TRAPPC9: variants seen among roughly 807,000 people sequenced by gnomAD.
TRAPPC9 encodes trafficking protein particle complex subunit 9.
In TRAPPC9, 83 loss-of-function variants were observed where a neutral mutation model predicts 124.0. The observed-to-expected ratio is 0.67, with a 90% confidence interval of 0.56 to 0.80. The LOEUF (loss-of-function observed/expected upper bound fraction) is 0.80. Ranked by LOEUF, TRAPPC9 falls within the 30% of genes least tolerant of loss-of-function variation. TRAPPC9 has a pLI of 0.00. For synonymous variants in TRAPPC9, 638 were observed against 617.5 expected, an observed-to-expected ratio of 1.03 and a Z score of -0.49; for missense variants, 1,302 against 1,508.3, an observed-to-expected ratio of 0.86 and a Z score of 2.27.
intron 17 of TRAPPC9, among the ~76,000 whole-genome samples, chr8:140,116,792 AGGTGGGGCAGCAGCGAC>A (rs2060895088): frequency 6.6e-6 from 1 of 152,152 alleles, no homozygotes; most frequent in Admixed American, 6.5e-5. Flanking sequence ...GGTTCCCTAC[AGGTGGGGCAGCAGCGAC>A]GGTGGGGCTG....
chr8:140,091,901 T>G (rs1198636181), intron 17 of TRAPPC9, among the ~76,000 whole-genome samples: 8 of 152,100 alleles, frequency 5.3e-5, no homozygotes, highest in Admixed American at 3.3e-4. Context: ...CAAGACCTTC[T>G]ACAGTGGCGC....
chr8:140,451,317 C>G lies in TRAPPC9; in HGVS notation c.57G>C (p.Val19=), dbSNP rs1242565104. 6.2e-7 allele frequency: 1 copy of G among 1,607,706 alleles called. No homozygotes were observed. Among genetic ancestry groups the G allele is most frequent in the Non-Finnish European group, 8.5e-7 (1 of 1,180,000 alleles). Residue 19 remains valine (V), a synonymous_variant, in exon 2 of 23, where the codon GTG becomes GTC. Transcript: ENST00000438773. ...CAEDHQTLLV[V]VQPVGIVSEE... ...CGGAGACGATGCCCACAGGCTGGAC[C>G]ACCACGAGCAGCGTCTGGTGGTCCT...
At chr8:140,449,988 G>A (rs761974678) in intron 2 of TRAPPC9, among the ~76,000 whole-genome samples, 1 of 152,198 alleles carries the variant, frequency 6.6e-6, no homozygotes, top group Non-Finnish European at 1.5e-5. Flanking sequence ...AGTTGATACT[G>A]ATTTTTAAAA....
chr8:140,154,963 C>T (rs2061603854), intron 17 of TRAPPC9, among the ~76,000 whole-genome samples: 1 of 152,158 alleles, frequency 6.6e-6, no homozygotes. Context: ...TCCTAGCATA[C>T]CATGTAGGGC....
rs140763782 is a variant in TRAPPC9, at chr8:140,442,423, C to G, written c.585-3226G>C. On this transcript the variant is annotated intron_variant, in intron 2 of 22. Transcript: ENST00000438773. ...GACCATCCTGGCTAACACGGCAAAA[C>G]CCCGTGTCTACTGAAAATACAAAAA... Among the ~76,000 whole-genome samples the G allele has an allele frequency of 5.6e-3, 857 of 151,876 alleles. 8 individuals carry two copies. The highest frequency in any genetic ancestry group is 0.044 in the Middle Eastern group (13 of 294).
At chr8:140,197,969 G>A (rs1459329295) in intron 17 of TRAPPC9, among the ~76,000 whole-genome samples, 1 of 152,218 alleles carries the variant, frequency 6.6e-6, no homozygotes, top group Non-Finnish European at 1.5e-5. Flanking sequence ...TGAGAAGGAA[G>A]CTTGGTGCAC....
chr8:140,220,347 T>C (rs2063309939), intron 17 of TRAPPC9, among the ~76,000 whole-genome samples: 1 of 152,186 alleles, frequency 6.6e-6, no homozygotes, highest in Non-Finnish European at 1.5e-5. Flanking sequence ...AGTTGCACTC[T>C]GGGGCCTTTG....
intron 1 of TRAPPC9, among the ~76,000 whole-genome samples, chr8:140,454,611 G>A (rs774600299): frequency 7.6e-6 from 1 of 131,224 alleles, no homozygotes; most frequent in African/African-American, 2.9e-5. Context: ...CTGCACTCCA[G>A]CCTGGGCAAT....
intron 19 of TRAPPC9, among the ~76,000 whole-genome samples, chr8:139,940,546 G>A (rs919266798): frequency 1.3e-5 from 2 of 152,228 alleles, no homozygotes; most frequent in Non-Finnish European, 2.9e-5. Context: ...GAGGCAGGAC[G>A]TGGAGAGCGG....
rs1441418826 is a variant in TRAPPC9 at position 140,063,138 on chromosome 8, C to T, written c.2557-39059G>A. Among the ~76,000 whole-genome samples the T allele has an allele frequency of 6.6e-6, 1 of 152,148 alleles. No individual in the cohort carries two copies. The highest frequency in any genetic ancestry group is 1.5e-5 in the Non-Finnish European group (1 of 68,024). On this transcript the variant is annotated intron_variant, in intron 17 of 22. Coordinates refer to ENST00000438773, the MANE Select transcript of TRAPPC9 (RefSeq NM_001160372.4). The surrounding 1 kb of genome is among the most constrained non-coding windows in gnomAD (Gnocchi z 4.3). ...GAGAACCCACCCACTATCATGAGAA[C>T]GGTGTGGGGGAAGCGGCCACTGTGA...
chr8:139,958,301 T>C (rs912993536), intron 19 of TRAPPC9, among the ~76,000 whole-genome samples: 1 of 152,206 alleles, frequency 6.6e-6, no homozygotes, highest in Non-Finnish European at 1.5e-5. Flanking sequence ...TGCCACTAAA[T>C]GCTCTGGTTT....
chr8:139,820,383 G>A (rs1415604757), intron 21 of TRAPPC9, among the ~76,000 whole-genome samples: 1 of 152,150 alleles, frequency 6.6e-6, no homozygotes, highest in Non-Finnish European at 1.5e-5. Flanking sequence ...GTTCCACCAT[G>A]TTGGTCAGGC....
At chr8:140,137,912 G>C (rs529614837) in intron 17 of TRAPPC9, among the ~76,000 whole-genome samples, 81 of 152,306 alleles carry the variant, frequency 5.3e-4, no homozygotes, top group Non-Finnish European at 1.0e-3. Flanking sequence ...TCTGAAATTT[G>C]TGCACATAAG....
intron 17 of TRAPPC9, among the ~76,000 whole-genome samples, chr8:140,155,767 G>C (rs2061618035): frequency 6.6e-6 from 1 of 152,148 alleles, no homozygotes; most frequent in Non-Finnish European, 1.5e-5. Context: ...TTTGATTTTT[G>C]CAACAGTTGC....
intron 17 of TRAPPC9, among the ~76,000 whole-genome samples, chr8:140,026,761 C>A (rs1300788794): frequency 6.6e-6 from 1 of 152,164 alleles, no homozygotes; most frequent in Non-Finnish European, 1.5e-5. Flanking sequence ...AATATTTGTA[C>A]TGCCAGAGAA....
chr8:140,244,800 CTTTTTTTTTTTTTTT>C (rs1162364645), intron 16 of TRAPPC9, among the ~76,000 whole-genome samples: 2 of 90,180 alleles, frequency 2.2e-5, no homozygotes, highest in Non-Finnish European at 3.9e-5. Context: ...TTTCCAATTC[CTTTTTTTTTTTTTTT>C]TTTTTTTTTT....
chr8:139,885,808 G>T, intron 21 of TRAPPC9, 71 bp downstream of exon 21: 1 of 1,456,528 alleles, frequency 6.9e-7, no homozygotes, highest in Non-Finnish European at 9.4e-7. Context: ...CACCCCCCAA[G>T]ACCTTGCTCG....
At chr8:140,005,353 T>C (rs995018919) in intron 18 of TRAPPC9, among the ~76,000 whole-genome samples, 3 of 152,168 alleles carry the variant, frequency 2.0e-5, no homozygotes, top group African/African-American at 7.2e-5. Context: ...GAAATCTCTA[T>C]GGGGAAGGAA....
In TRAPPC9 at chr8:140,241,598, G is replaced by T. The variant is rs2063857169; in HGVS notation, c.2431+11179C>A. Among the ~76,000 whole-genome samples, 1 of 151,868 alleles carries T rather than the reference G, an allele frequency of 6.6e-6. No homozygotes were observed. Among genetic ancestry groups the T allele is most frequent in the Admixed American group, 6.6e-5 (1 of 15,242 alleles). ...TAGTCCCAGCTATTCGGAAGGCTGA[G>T]ACAGGAGAATCGCTTAAGCCCGGGA... On this transcript the variant is annotated intron_variant, in intron 16 of 22. Coordinates refer to ENST00000438773, the MANE Select transcript of TRAPPC9 (RefSeq NM_001160372.4). This position sits in a 1 kb window ranked among gnomAD's most constrained non-coding sequence, Gnocchi z 5.0.
Sources: gnomAD v4.1 joint callset for allele counts (sites outside exome capture counted in the v4.1 genomes callset) on GRCh38, gnomAD v4.1.1 for gene constraint, Gnocchi (gnomAD v3.1) non-coding constraint, MANE v1.5 for transcripts, NCBI Gene and HGNC (gene_info 2026-07-23, HGNC 2026-07-21) for gene names.